JAK2: variants seen among roughly 807,000 people sequenced by gnomAD.
JAK2 encodes tyrosine-protein kinase JAK2.
In JAK2, 86 loss-of-function variants were observed where a neutral mutation model predicts 139.3. That is an observed-to-expected ratio of 0.62 (90% CI 0.52 to 0.74). JAK2 has a LOEUF of 0.74. JAK2 is among the 30% of genes least tolerant of loss of function. The probability of loss-of-function intolerance (pLI) is 0.00; values close to 1 mark genes in which losing one functional copy is unlikely to be tolerated. For synonymous variants in JAK2, 490 were observed against 437.7 expected, an observed-to-expected ratio of 1.12 and a Z score of -1.49; for missense variants, 1,421 against 1,360.3, an observed-to-expected ratio of 1.04 and a Z score of -0.70.
chr9:5,038,302 T>C (rs1235329269), intron 4 of JAK2, among the ~76,000 whole-genome samples: 1 of 152,136 alleles, frequency 6.6e-6, no homozygotes, highest in Non-Finnish European at 1.5e-5. Flanking sequence ...AAATTAGCAA[T>C]TTTTATAAAA....
rs761305442 is a variant in JAK2, at chr9:5,044,395, T to C, written c.351-8T>C. On this transcript the variant is annotated splice_polypyrimidine_tract_variant and splice_region_variant and intron_variant, in intron 4 of 24. Coordinates refer to ENST00000381652, the MANE Select transcript of JAK2 (RefSeq NM_004972.4). ...GGAAGCTGACCAAATGTTTTTATTA[T>C]CTTGTAGATTTTACTTTCCTCGTTG... The C allele has an allele frequency of 8.9e-6, 14 of 1,570,258 alleles. No individual in the cohort carries two copies. The highest frequency in any genetic ancestry group is 1.1e-5 in the Non-Finnish European group (13 of 1,140,808).
chr9:5,087,292 C>A (rs1478981176), intron 19 of JAK2, among the ~76,000 whole-genome samples: 2 of 152,138 alleles, frequency 1.3e-5, no homozygotes, highest in Non-Finnish European at 2.9e-5. Context: ...TGAGTGCCAG[C>A]AGGAGAAATG....
chr9:5,040,154 A>G (rs914000426), intron 4 of JAK2, among the ~76,000 whole-genome samples: 2 of 152,200 alleles, frequency 1.3e-5, no homozygotes, highest in African/African-American at 4.8e-5. Flanking sequence ...AATTTCTCAC[A>G]TTGATGGTGA....
At chr9:5,036,984 A>G (rs1190277582) in intron 4 of JAK2, among the ~76,000 whole-genome samples, 1 of 152,252 alleles carries the variant, frequency 6.6e-6, no homozygotes, top group South Asian at 2.1e-4. Flanking sequence ...GCTAATATCC[A>G]GAATATACAA....
intron 22 of JAK2, chr9:5,113,619 C>G (rs1822854635): frequency 6.2e-6 from 1 of 161,346 alleles, no homozygotes; most frequent in Non-Finnish European, 1.4e-5. Context: ...GATGCCACCT[C>G]CATGAACCTG....
At chr9:5,072,258 A>C (rs1417801780) in intron 12 of JAK2, among the ~76,000 whole-genome samples, 1 of 152,180 alleles carries the variant, frequency 6.6e-6, no homozygotes, top group Non-Finnish European at 1.5e-5. Context: ...GAGATTTCAA[A>C]ACCGAGTAGA....
intron 22 of JAK2, among the ~76,000 whole-genome samples, chr9:5,118,593 AT>A: frequency 6.6e-6 from 1 of 152,180 alleles, no homozygotes. Flanking sequence ...TCGGATGAAT[AT>A]TATTTATTTC....
chr9:5,055,191 TA>T (rs1489166649), intron 7 of JAK2, among the ~76,000 whole-genome samples: 1 of 152,068 alleles, frequency 6.6e-6, no homozygotes, highest in Non-Finnish European at 1.5e-5. Flanking sequence ...ACAGAAGGCA[TA>T]ATTATAAAAC....
intron 5 of JAK2, among the ~76,000 whole-genome samples, chr9:5,045,850 G>T (rs1381663698): frequency 1.3e-5 from 2 of 152,072 alleles, no homozygotes; most frequent in East Asian, 3.8e-4. Context: ...CTGTGAACAT[G>T]GGTAAACAAA....
At chr9:5,011,979 C>T (rs1432694431) in intron 2 of JAK2, among the ~76,000 whole-genome samples, 34 of 152,312 alleles carry the variant, frequency 2.2e-4, no homozygotes, top group Admixed American at 2.1e-3. Flanking sequence ...GACCAGATAG[C>T]TGTTGAAATC....
intron 2 of JAK2, among the ~76,000 whole-genome samples, chr9:5,003,180 C>CAA (rs1399729002): frequency 2.0e-5 from 3 of 151,944 alleles, no homozygotes; most frequent in East Asian, 3.9e-4. Context: ...GTTTGCTCTT[C>CAA]AAGATTGTTT....
chr9:5,035,968 A>C, intron 4 of JAK2, among the ~76,000 whole-genome samples: 1 of 152,180 alleles, frequency 6.6e-6, no homozygotes, highest in Non-Finnish European at 1.5e-5. Flanking sequence ...ACATGATTGT[A>C]TATCTGGAAA....
rs763756248 is a variant in JAK2 at position 5,066,780 on chromosome 9, T to C, written c.1317T>C (p.Phe439=). ...ACTTTAATAAATATTTTTTGACTTT[T>C]GCTGTCGAGGTTAGTATGTCACACT... is the stretch of plus-strand genomic sequence containing the variant. ...PKDFNKYFLT[F]AVERENVIEY... The change falls in exon 10 of 25, where the codon TTT becomes TTC. Residue 439 remains phenylalanine (F), a synonymous_variant. Coordinates refer to ENST00000381652, the MANE Select transcript of JAK2 (RefSeq NM_004972.4). 1 of 1,533,588 alleles carries C rather than the reference T, an allele frequency of 6.5e-7. No homozygotes were observed. The highest frequency in any genetic ancestry group is 2.4e-5 in the East Asian group (1 of 42,532). The allele number at this position is 1,533,588 out of a possible 1,614,324, so 95.0% of individuals were successfully genotyped here.
At chr9:5,020,728 C>T (rs371474272) in intron 2 of JAK2, among the ~76,000 whole-genome samples, 2 of 152,132 alleles carry the variant, frequency 1.3e-5, no homozygotes, top group East Asian at 3.9e-4. Context: ...TATATGGCAG[C>T]CCTTCTGCTG....
intron 19 of JAK2, among the ~76,000 whole-genome samples, chr9:5,083,960 CATT>C (rs1265750470): frequency 5.3e-5 from 8 of 151,916 alleles, no homozygotes; most frequent in African/African-American, 1.2e-4. Context: ...AAGATTTTCC[CATT>C]ATTAATATTC....
chr9:5,126,183 T>C (rs1014531120), intron 23 of JAK2, 150 bp from the exon 24 acceptor site: 3 of 556,686 alleles, frequency 5.4e-6, no homozygotes, highest in African/African-American at 2.0e-5. Flanking sequence ...CCTTATGTTT[T>C]TGATCCTAAA....
chr9:5,003,383 A>G (rs890447393), intron 2 of JAK2, among the ~76,000 whole-genome samples: 7 of 151,900 alleles, frequency 4.6e-5, no homozygotes, highest in Non-Finnish European at 1.0e-4. Context: ...TTTAGCTAGC[A>G]TTTATTTTTT....
intron 3 of JAK2, among the ~76,000 whole-genome samples, chr9:5,024,531 T>G (rs143060752): frequency 1.3e-5 from 2 of 152,210 alleles, no homozygotes; most frequent in African/African-American, 4.8e-5. Context: ...TAGGGTCTTT[T>G]CTTCTAAGTT....
chr9:5,101,398 G>C (rs939708987), intron 22 of JAK2, among the ~76,000 whole-genome samples: 1 of 152,248 alleles, frequency 6.6e-6, no homozygotes, highest in Non-Finnish European at 1.5e-5. Flanking sequence ...ACTGGGTGGA[G>C]CCCACCACAG....
Sources: gnomAD v4.1 joint callset for allele counts (sites outside exome capture counted in the v4.1 genomes callset) on GRCh38, gnomAD v4.1.1 for gene constraint, MANE v1.5 for transcripts, NCBI Gene and HGNC (gene_info 2026-07-23, HGNC 2026-07-21) for gene names.